Variants in DPP10 observed in about 807,000 individuals in gnomAD.
DPP10 encodes inactive dipeptidyl peptidase 10.
In DPP10, 33 loss-of-function variants were observed where a neutral mutation model predicts 120.9. The observed-to-expected ratio is 0.27, with a 90% CI of 0.21 to 0.37. The LOEUF (loss-of-function observed/expected upper bound fraction) is 0.37, where lower values mean the gene tolerates loss of function less well. DPP10 is among the 10% of genes least tolerant of loss of function. The pLI is 1.00. For synonymous variants in DPP10, 337 were observed against 326.1 expected, an observed-to-expected ratio of 1.03 and a Z score of -0.36; for missense variants, 816 against 942.8, an observed-to-expected ratio of 0.87 and a Z score of 1.76.
intron 1 of DPP10, among the ~76,000 whole-genome samples, chr2:114,967,318 G>A (rs978506686): frequency 9.2e-5 from 14 of 152,196 alleles, no homozygotes; most frequent in African/African-American, 3.4e-4. Context: ...CCTGAGATAT[G>A]TTTGGGAACT....
At chr2:114,485,405 G>T (rs544977759) in intron 1 of DPP10, among the ~76,000 whole-genome samples, 4 of 150,440 alleles carry the variant, frequency 2.7e-5, no homozygotes, top group African/African-American at 7.3e-5. Context: ...AATCAGAGAG[G>T]ATCCACTTAT....
chr2:115,177,864 T>C (rs942084031), intron 1 of DPP10, among the ~76,000 whole-genome samples: 2 of 152,002 alleles, frequency 1.3e-5, no homozygotes, highest in Non-Finnish European at 1.5e-5. Context: ...GCCAGGTTCA[T>C]GCCATTCTCC....
chr2:115,513,475 C>T (rs1292899031), intron 4 of DPP10, among the ~76,000 whole-genome samples: 1 of 151,802 alleles, frequency 6.6e-6, no homozygotes, highest in Non-Finnish European at 1.5e-5. Flanking sequence ...ATTTCTCACT[C>T]CTTTTTTGTT....
chr2:115,020,710 A>G (rs1474779049), intron 1 of DPP10, among the ~76,000 whole-genome samples: 1 of 152,148 alleles, frequency 6.6e-6, no homozygotes, highest in East Asian at 1.9e-4. Flanking sequence ...CAGAATATAC[A>G]TGCTATTCAC....
intron 3 of DPP10, among the ~76,000 whole-genome samples, chr2:115,362,089 T>A (rs1365427347): frequency 6.6e-6 from 1 of 152,188 alleles, no homozygotes; most frequent in Non-Finnish European, 1.5e-5. Flanking sequence ...TAAATTTACT[T>A]AATCAGCTTG....
chr2:115,288,855 T>A (rs1475896995), intron 1 of DPP10, among the ~76,000 whole-genome samples: 1 of 152,092 alleles, frequency 6.6e-6, no homozygotes, highest in Non-Finnish European at 1.5e-5. Context: ...TGGGGAAAAG[T>A]TGAAAGCATT....
intron 1 of DPP10, among the ~76,000 whole-genome samples, chr2:115,074,166 C>G (rs919858517): frequency 6.6e-6 from 1 of 152,030 alleles, no homozygotes; most frequent in Non-Finnish European, 1.5e-5. Context: ...CACACAATAC[C>G]ATACCCAGAT....
intron 5 of DPP10, among the ~76,000 whole-genome samples, chr2:115,618,810 C>T (rs1050059510): frequency 3.3e-5 from 5 of 152,036 alleles, no homozygotes; most frequent in Middle Eastern, 6.8e-3. Flanking sequence ...CCATCGATAG[C>T]GGGAGGAAGT....
At chr2:114,496,963 GA>G (rs1384834955) in intron 1 of DPP10, among the ~76,000 whole-genome samples, 1 of 151,708 alleles carries the variant, frequency 6.6e-6, no homozygotes, top group African/African-American at 2.4e-5. Context: ...CATGCTGATA[GA>G]AGGACCTTGG....
rs548972520 is a variant in DPP10, at chr2:114,791,134, T to C, written c.60+348296T>C. Among the ~76,000 whole-genome samples, 9 of 152,316 alleles carry C rather than the reference T, an allele frequency of 5.9e-5. No homozygotes were observed. The East Asian group carries it at 1.7e-3, about 29-fold the overall frequency. Reference sequence around the variant, plus strand: ...AGAAATAAATTCAAATGTTAGGTCATACCAAACAGCAAAGAAGGCTTGTAC... The same window carrying C: ...AGAAATAAATTCAAATGTTAGGTCACACCAAACAGCAAAGAAGGCTTGTAC... On this transcript the variant is annotated intron_variant, in intron 1 of 25. Coordinates refer to ENST00000410059, the MANE Select transcript of DPP10 (RefSeq NM_020868.6).
intron 3 of DPP10, among the ~76,000 whole-genome samples, chr2:115,481,733 A>G (rs1267533881): frequency 2.0e-5 from 3 of 152,088 alleles, no homozygotes; most frequent in East Asian, 3.9e-4. Context: ...CAGTTAGATT[A>G]ATATTTTCAG....
At chr2:115,815,971 G>A (rs1687184011) in intron 21 of DPP10, among the ~76,000 whole-genome samples, 1 of 151,448 alleles carries the variant, frequency 6.6e-6, no homozygotes, top group East Asian at 1.9e-4. Flanking sequence ...TTATTTGTAT[G>A]TATACATATG....
chr2:115,107,668 A>C (rs955602435), intron 1 of DPP10, among the ~76,000 whole-genome samples: 12 of 152,006 alleles, frequency 7.9e-5, no homozygotes, highest in African/African-American at 2.4e-4. Context: ...ATGCATTACC[A>C]TCTTATTATA....
intron 1 of DPP10, among the ~76,000 whole-genome samples, chr2:115,167,892 G>A (rs2053021134): frequency 6.6e-6 from 1 of 151,994 alleles, no homozygotes; most frequent in South Asian, 2.1e-4. Context: ...AGTAAACTTT[G>A]GCTAATTCTC....
At chr2:115,117,579 G>A (rs532261757) in intron 1 of DPP10, among the ~76,000 whole-genome samples, 233 of 152,270 alleles carry the variant, frequency 1.5e-3, no homozygotes, top group African/African-American at 5.1e-3. Context: ...CTGCACTCCC[G>A]CCTGGGTGAC....
intron 1 of DPP10, among the ~76,000 whole-genome samples, chr2:114,777,279 G>A (rs1252427142): frequency 1.3e-5 from 2 of 152,114 alleles, no homozygotes; most frequent in East Asian, 3.9e-4. Flanking sequence ...ACACTGTCTT[G>A]TGCTGGAAAT....
At chr2:115,828,164 T>A (rs1688568796) in intron 21 of DPP10, among the ~76,000 whole-genome samples, 1 of 152,142 alleles carries the variant, frequency 6.6e-6, no homozygotes, top group Non-Finnish European at 1.5e-5. Flanking sequence ...AAGTTTTAGG[T>A]TGACATTTCT....
rs185421759 is a variant in DPP10 at position 115,306,773 on chromosome 2, A to G, written c.61-2466A>G. ...ATGTCTCGCTCAAATTTGTTTTACC[A>G]CTTTTTAAATGGTGGACTTCCGTAG... On this transcript the variant is annotated intron_variant, in intron 1 of 25. Transcript: ENST00000410059. 1.4e-4 allele frequency among the ~76,000 whole-genome samples: 22 copies of G among 152,194 alleles called. No individual in the cohort carries two copies. The East Asian group carries it at 4.1e-3, about 28-fold the overall frequency.
chr2:115,446,001 G>A (rs1336718279), intron 3 of DPP10, among the ~76,000 whole-genome samples: 3 of 152,162 alleles, frequency 2.0e-5, no homozygotes, highest in Non-Finnish European at 2.9e-5. Context: ...AAATGGTTTT[G>A]TAAGATGGGC....
Sources: gnomAD v4.1 joint callset for allele counts (sites outside exome capture counted in the v4.1 genomes callset) on GRCh38, gnomAD v4.1.1 for gene constraint, MANE v1.5 for transcripts, NCBI Gene and HGNC (gene_info 2026-07-23, HGNC 2026-07-21) for gene names.